ANGPT1: variants seen among roughly 807,000 people sequenced by gnomAD.
ANGPT1 encodes the protein angiopoietin 1, also known as angiopoietin-1.
In ANGPT1, 17 loss-of-function variants were observed where a neutral mutation model predicts 62.2. That is an observed-to-expected ratio of 0.27 (90% CI 0.19 to 0.41). The LOEUF (loss-of-function observed/expected upper bound fraction) is 0.41. Ranked by LOEUF, ANGPT1 falls within the 10% of genes least tolerant of loss-of-function variation. The pLI is 1.00. For synonymous variants in ANGPT1, 199 were observed against 198.9 expected (o/e 1.00, Z 0.00); for missense variants, 478 against 594.9 (o/e 0.80, Z 2.04).
chr8:107,328,572 A>T (rs1472044293), intron 3 of ANGPT1, among the ~76,000 whole-genome samples: 1 of 152,064 alleles, frequency 6.6e-6, no homozygotes, highest in African/African-American at 2.4e-5. Context: ...CATATATTAC[A>T]AAGTTTTAAT....
intron 6 of ANGPT1, among the ~76,000 whole-genome samples, chr8:107,288,064 G>T (rs1586190176): frequency 6.6e-6 from 1 of 152,056 alleles, no homozygotes; most frequent in Non-Finnish European, 1.5e-5. Context: ...AAAGGAAAAA[G>T]AATAATCTTG....
intron 6 of ANGPT1, among the ~76,000 whole-genome samples, chr8:107,291,708 G>A (rs1281498791): frequency 6.6e-6 from 1 of 151,980 alleles, no homozygotes; most frequent in Non-Finnish European, 1.5e-5. Flanking sequence ...ACCGTGCCTG[G>A]CCTATAACTG....
rs552361087 is a variant in ANGPT1, at chr8:107,409,407, G to A, written c.298-62310C>T. Among the ~76,000 whole-genome samples the A allele has an allele frequency of 7.9e-5, 12 of 152,252 alleles. No homozygotes were observed. The South Asian group carries it at 2.5e-3, about 32-fold the overall frequency. ...AACATTCTGTCAGGTTCACCAATGG[G>A]ACTCAGGCCAGTTGGTTCTGGACAG... On this transcript the variant is annotated intron_variant, in intron 1 of 8. Coordinates refer to ENST00000517746, the MANE Select transcript of ANGPT1 (RefSeq NM_001146.5).
intron 1 of ANGPT1, among the ~76,000 whole-genome samples, chr8:107,377,717 A>G (rs1816556638): frequency 6.6e-6 from 1 of 152,206 alleles, no homozygotes; most frequent in Non-Finnish European, 1.5e-5. Flanking sequence ...CCAATGTTAC[A>G]TCACAAGTAA....
At chr8:107,360,225 A>G (rs1486117984) in intron 1 of ANGPT1, among the ~76,000 whole-genome samples, 1 of 152,220 alleles carries the variant, frequency 6.6e-6, no homozygotes, top group South Asian at 2.1e-4. Context: ...AAAGCCTGTA[A>G]CAATCGTCTT....
intron 1 of ANGPT1, among the ~76,000 whole-genome samples, chr8:107,365,564 T>G (rs1816254780): frequency 6.6e-6 from 1 of 152,118 alleles, no homozygotes; most frequent in African/African-American, 2.4e-5. Context: ...TGTATCCTCA[T>G]CTGGGGCATG....
chr8:107,278,859 G>A (rs912261644), intron 7 of ANGPT1, among the ~76,000 whole-genome samples: 14 of 152,178 alleles, frequency 9.2e-5, no homozygotes, highest in Non-Finnish European at 1.9e-4. Context: ...GTGGCTACAC[G>A]TGTTTGGTTT....
chr8:107,425,244 C>G (rs1253521405), intron 1 of ANGPT1, among the ~76,000 whole-genome samples: 1 of 152,180 alleles, frequency 6.6e-6, no homozygotes, highest in Non-Finnish European at 1.5e-5. Context: ...TGTTTGGTAT[C>G]TGATTTCTAG....
chr8:107,451,430 T>C (rs1213857026), intron 1 of ANGPT1, among the ~76,000 whole-genome samples: 1 of 151,866 alleles, frequency 6.6e-6, no homozygotes, highest in African/African-American at 2.4e-5. Flanking sequence ...TCAGCTTTAA[T>C]AGATATTGAG....
intron 1 of ANGPT1, among the ~76,000 whole-genome samples, chr8:107,359,679 T>C (rs1438505873): frequency 6.6e-6 from 1 of 152,188 alleles, no homozygotes; most frequent in Non-Finnish European, 1.5e-5. Context: ...ACCATTTCTG[T>C]TCAGCATAAT....
chr8:107,386,345 C>A (rs1222311142), intron 1 of ANGPT1, among the ~76,000 whole-genome samples: 6 of 152,066 alleles, frequency 3.9e-5, no homozygotes, highest in East Asian at 1.9e-4. Context: ...CTGCAACATG[C>A]AATTTACCCA....
chr8:107,261,388 A>G (rs182251812), intron 8 of ANGPT1, among the ~76,000 whole-genome samples: 385 of 152,234 alleles, frequency 2.5e-3, no homozygotes, highest in African/African-American at 9.0e-3. Flanking sequence ...ATATGATGCC[A>G]AAAGGATAGT....
chr8:107,454,439 T>A (rs1376887608), intron 1 of ANGPT1, among the ~76,000 whole-genome samples: 4 of 152,126 alleles, frequency 2.6e-5, no homozygotes, highest in Non-Finnish European at 5.9e-5. Flanking sequence ...TTGAACCAGT[T>A]TGCCTTCACT....
chr8:107,321,078 T>A (rs1464360676), intron 4 of ANGPT1, among the ~76,000 whole-genome samples: 2 of 152,040 alleles, frequency 1.3e-5, no homozygotes, highest in South Asian at 2.1e-4. Context: ...GACTTCAAGT[T>A]CCAAACTTTG....
At position 107,313,443 on chromosome 8, in the gene ANGPT1, T is replaced by TTTG. The variant is rs1175825617; in HGVS notation, c.808+8452_808+8453insCAA. Among the ~76,000 whole-genome samples the TTTG allele has an allele frequency of 1.5e-3, 190 of 127,724 alleles. 2 individuals carry two copies. The highest frequency in any genetic ancestry group is 2.3e-3 in the Admixed American group (28 of 12,258). 83.8% of individuals were successfully genotyped at this position (127,724 alleles called of 152,430 possible). On this transcript the variant is annotated intron_variant, in intron 4 of 8. Transcript: ENST00000517746. The stretch of plus-strand genomic sequence containing the variant: ...TGTTACTAGTTGTTTTTTTTTTTTT[T>TTTG]TTTTTTTTTTTTTTGAGACAGAGTC...
At chr8:107,382,435 G>A (rs1654728) in intron 1 of ANGPT1, among the ~76,000 whole-genome samples, 72,327 of 151,694 alleles carry the variant, frequency 0.48, 19,075 homozygotes, top group Middle Eastern at 0.6. Flanking sequence ...TCTACAAGTC[G>A]GGCACTATAG....
intron 1 of ANGPT1, among the ~76,000 whole-genome samples, chr8:107,348,786 T>A (rs558954484): frequency 6.6e-6 from 1 of 152,282 alleles, no homozygotes; most frequent in South Asian, 2.1e-4. Flanking sequence ...AACTTTCTTT[T>A]GGGAAGTTAT....
At chr8:107,423,852 T>A in intron 1 of ANGPT1, among the ~76,000 whole-genome samples, 1 of 126,514 alleles carries the variant, frequency 7.9e-6, no homozygotes, top group Admixed American at 8.4e-5. Flanking sequence ...TTTTTTTTTT[T>A]TTTTCTGAGA....
chr8:107,374,182 T>C (rs530921944), intron 1 of ANGPT1, among the ~76,000 whole-genome samples: 111 of 152,300 alleles, frequency 7.3e-4, no homozygotes, highest in Non-Finnish European at 1.2e-3. Flanking sequence ...AAGCCCAGGT[T>C]ATTTCCATCT....
Sources: allele counts gnomAD v4.1 joint callset (sites outside exome capture counted in the v4.1 genomes callset), GRCh38; gene constraint gnomAD v4.1.1; transcripts MANE v1.5; gene names NCBI Gene and HGNC (gene_info 2026-07-23, HGNC 2026-07-21).